MAST4: variants seen among roughly 807,000 people sequenced by gnomAD.
The protein encoded by MAST4 is microtubule associated serine/threonine kinase family member 4, also known as microtubule-associated serine/threonine-protein kinase 4.
Under a neutral mutation model 162.7 loss-of-function variants are expected in MAST4, and 89 were observed. The ratio of observed to expected loss-of-function variants is 0.55; its 90% CI spans 0.46 to 0.65. The LOEUF (loss-of-function observed/expected upper bound fraction) is 0.65. MAST4 is among the 30% of genes least tolerant of loss of function. The pLI, the probability that MAST4 is intolerant of heterozygous loss-of-function variation, is 0.00. For synonymous variants in MAST4, 1,479 were observed against 1,361.1 expected (o/e 1.09, Z -1.91); for missense variants, 3,153 against 3,374.0 (o/e 0.93, Z 1.62).
At chr5:66,838,314 T>C (rs1241339931) in intron 3 of MAST4, among the ~76,000 whole-genome samples, 2 of 152,196 alleles carry the variant, frequency 1.3e-5, no homozygotes, top group Non-Finnish European at 2.9e-5. Flanking sequence ...TTGGCTATTT[T>C]ATTTAGATTG....
At position 66,835,840 on chromosome 5, in the gene MAST4, G is replaced by C. The variant is rs1010121073; in HGVS notation, c.642+47046G>C. On this transcript the variant is annotated intron_variant, in intron 3 of 28. Transcript: ENST00000403625. ...GGACATGGAGATTCAGAGTCGTCAA[G>C]AAACTTAACACAAAATTGCCTTCAT... is the stretch of plus-strand genomic sequence containing the variant. 8.5e-5 allele frequency among the ~76,000 whole-genome samples: 13 copies of C among 152,144 alleles called. No homozygotes were observed. In the East Asian group the frequency reaches 2.5e-3, roughly 29 times the overall value.
At chr5:66,979,935 T>G (rs1748582124) in intron 4 of MAST4, among the ~76,000 whole-genome samples, 1 of 152,230 alleles carries the variant, frequency 6.6e-6, no homozygotes, top group Non-Finnish European at 1.5e-5. Flanking sequence ...GACCAAATTT[T>G]GCAGAACAAT....
chr5:66,906,043 A>G (rs1345449154), intron 4 of MAST4, among the ~76,000 whole-genome samples: 1 of 152,228 alleles, frequency 6.6e-6, no homozygotes, highest in Non-Finnish European at 1.5e-5. Flanking sequence ...AGCCATTTAA[A>G]AATGTGTCAA....
At chr5:66,718,266 T>G (rs922920026) in intron 1 of MAST4, among the ~76,000 whole-genome samples, 2 of 151,820 alleles carry the variant, frequency 1.3e-5, no homozygotes, top group Admixed American at 6.6e-5. Flanking sequence ...TGTTTTTTTG[T>G]TTTTTTGTTT....
intron 1 of MAST4, among the ~76,000 whole-genome samples, chr5:66,687,449 C>T (rs1389101286): frequency 1.3e-5 from 2 of 151,544 alleles, no homozygotes; most frequent in Non-Finnish European, 2.9e-5. Context: ...CCACGGTATA[C>T]ACGTATTCCA....
intron 3 of MAST4, chr5:66,789,773 G>A (rs761112518): frequency 9.6e-6 from 5 of 518,634 alleles, no homozygotes; most frequent in Non-Finnish European, 1.5e-5. Context: ...AACCTGGGAG[G>A]TACTTTTAAG....
intron 4 of MAST4, among the ~76,000 whole-genome samples, chr5:66,908,647 G>A (rs1445959484): frequency 6.6e-6 from 1 of 152,146 alleles, no homozygotes. Flanking sequence ...AGGATTGGGG[G>A]AAAGTTTTTT....
At chr5:67,137,739 G>A (rs1291182736) in intron 19 of MAST4, among the ~76,000 whole-genome samples, 4 of 152,170 alleles carry the variant, frequency 2.6e-5, no homozygotes, top group African/African-American at 9.7e-5. Flanking sequence ...TTGTCCCACA[G>A]CCTGGTATGG....
At chr5:66,863,470 C>G (rs1760259757) in intron 3 of MAST4, among the ~76,000 whole-genome samples, 1 of 152,226 alleles carries the variant, frequency 6.6e-6, no homozygotes, top group African/African-American at 2.4e-5. Context: ...GTCTGACCTC[C>G]AGATCCCTTT....
chr5:67,075,317 C>T (rs1761505260), intron 5 of MAST4, among the ~76,000 whole-genome samples: 4 of 151,816 alleles, frequency 2.6e-5, no homozygotes, highest in South Asian at 2.1e-4. Context: ...GAACTACAGG[C>T]GTGTACCACC....
At chr5:66,631,453 T>C (rs186112458) in intron 1 of MAST4, among the ~76,000 whole-genome samples, 1 of 152,172 alleles carries the variant, frequency 6.6e-6, no homozygotes, top group Non-Finnish European at 1.5e-5. Flanking sequence ...TGGGTCTTGC[T>C]GAGGAGGTAA....
chr5:66,644,236 C>T (rs1268696994), intron 1 of MAST4, among the ~76,000 whole-genome samples: 1 of 151,678 alleles, frequency 6.6e-6, no homozygotes, highest in African/African-American at 2.4e-5. Flanking sequence ...TAGTAGCAAA[C>T]AGCTTTATGT....
intron 1 of MAST4, among the ~76,000 whole-genome samples, chr5:66,712,507 A>G (rs903139223): frequency 6.6e-6 from 1 of 152,240 alleles, no homozygotes; most frequent in Non-Finnish European, 1.5e-5. Context: ...TTATTTTATC[A>G]AATGAATTAC....
intron 1 of MAST4, among the ~76,000 whole-genome samples, chr5:66,625,920 A>T (rs941672031): frequency 1.3e-5 from 2 of 152,208 alleles, no homozygotes; most frequent in Admixed American, 6.5e-5. Context: ...AAAATGTGGT[A>T]TATATGTGTA....
chr5:66,788,785 C>A lies in MAST4; in HGVS notation c.633C>A (p.Thr211=). ...TGGGCCAGTCGGCGCCCTCGCTCAC[C>A]GCCAGCCTGGTGAGTGTCCGCGGGC... The part of the protein sequence containing the change: ...QALGQSAPSL[T]ASLKELSLPR... Residue 211 remains threonine (T), a synonymous_variant, in exon 3 of 29, where the codon ACC becomes ACA. Transcript: ENST00000403625. 2 of 1,588,122 alleles carry A rather than the reference C, an allele frequency of 1.3e-6. No individual in the cohort carries two copies. The highest frequency in any genetic ancestry group is 1.3e-5 in the African/African-American group (1 of 74,092).
At chr5:66,877,343 C>A (rs970116506) in intron 3 of MAST4, among the ~76,000 whole-genome samples, 1 of 152,174 alleles carries the variant, frequency 6.6e-6, no homozygotes, top group Non-Finnish European at 1.5e-5. Flanking sequence ...TTGCTTTACA[C>A]ACATGTGAAC....
intron 1 of MAST4, among the ~76,000 whole-genome samples, chr5:66,685,672 C>T (rs529184412): frequency 6.6e-6 from 1 of 152,134 alleles, no homozygotes; most frequent in Admixed American, 6.5e-5. Context: ...TCTCGGGGAA[C>T]CATGTTTAGG....
intron 4 of MAST4, among the ~76,000 whole-genome samples, chr5:66,994,439 T>C (rs749559647): frequency 6.6e-6 from 1 of 152,172 alleles, no homozygotes; most frequent in East Asian, 1.9e-4. Flanking sequence ...CTTCATTTCC[T>C]AAAAGCTACT....
chr5:67,095,713 A>G lies in MAST4; in HGVS notation c.912+38A>G. 3 of 1,431,790 alleles carry G rather than the reference A, an allele frequency of 2.1e-6. 1 individual carries two copies. In the South Asian group the frequency reaches 4.2e-5, roughly 20 times the overall value. 88.7% of individuals were successfully genotyped at this position (1,431,790 alleles called of 1,614,324 possible). On this transcript the variant is annotated intron_variant, in intron 7 of 28. Transcript: ENST00000403625. Reference sequence around the variant, plus strand: ...CTTTTTTTTTTTTTTTCTCTTCCTCACAACAACAGAGCTATTACACAGGCA... The same window carrying G: ...CTTTTTTTTTTTTTTTCTCTTCCTCGCAACAACAGAGCTATTACACAGGCA...
Sources: allele counts gnomAD v4.1 joint callset (sites outside exome capture counted in the v4.1 genomes callset), GRCh38; gene constraint gnomAD v4.1.1; transcripts MANE v1.5; gene names NCBI Gene and HGNC (gene_info 2026-07-23, HGNC 2026-07-21).